The following WDFY4 variants were observed in gnomAD, a reference collection of about 807,000 sequenced individuals.
WDFY4 encodes WDFY family member 4, also known as WD repeat- and FYVE domain-containing protein 4.
Under a neutral mutation model 351.9 loss-of-function variants are expected in WDFY4, and 169 were observed. The observed-to-expected ratio is 0.48, with a 90% CI of 0.42 to 0.55. The LOEUF (loss-of-function observed/expected upper bound fraction) is 0.55, where lower values mean the gene tolerates loss of function less well. Ranked by LOEUF, WDFY4 falls within the 20% of genes least tolerant of loss-of-function variation. The pLI, the probability that WDFY4 is intolerant of heterozygous loss-of-function variation, is 0.00. For synonymous variants in WDFY4, 1,622 were observed against 1,574.6 expected (o/e 1.03, Z -0.71); for missense variants, 3,803 against 3,935.6 (o/e 0.97, Z 0.90).
At chr10:48,710,446 G>A (rs1467519001) in intron 2 of WDFY4, among the ~76,000 whole-genome samples, 1 of 152,150 alleles carries the variant, frequency 6.6e-6, no homozygotes, top group African/African-American at 2.4e-5. Context: ...TCATGCCAAA[G>A]ATGACAAGCA....
intron 28 of WDFY4, among the ~76,000 whole-genome samples, chr10:48,808,974 TA>T (rs2067349069): frequency 6.6e-6 from 1 of 152,246 alleles, no homozygotes; most frequent in Non-Finnish European, 1.5e-5. Context: ...TCATTACTTT[TA>T]ATGCCAAAAA....
In WDFY4 at chr10:48,789,940, T is replaced by C. The variant is rs965396149; in HGVS notation, c.4021T>C (p.Ser1341Pro). The C allele has an allele frequency of 2.9e-5, 45 of 1,552,422 alleles. No individual in the cohort carries two copies. Among genetic ancestry groups the C allele is most frequent in the Non-Finnish European group, 3.7e-5 (42 of 1,147,140 alleles). Reference sequence around the variant, plus strand: ...GCTGAGGAATTGTGCTGGCCACCTGTCAGGGTCTCTGCGGACCATTGGAGC... The same window carrying C: ...GCTGAGGAATTGTGCTGGCCACCTGCCAGGGTCTCTGCGGACCATTGGAGC... ...FLLRNCAGHL[S>P]GSLRTIGAVA... Residue 1341 changes from serine to proline, a missense_variant, in exon 22 of 62, where the codon TCA becomes CCA. Transcript: ENST00000325239.
intron 39 of WDFY4, among the ~76,000 whole-genome samples, chr10:48,858,043 C>T (rs1158793557): frequency 1.3e-5 from 2 of 152,206 alleles, no homozygotes; most frequent in Admixed American, 6.5e-5. Context: ...ATCCACCTGC[C>T]TCAGCCTCCC....
At chr10:48,745,886 A>T in intron 12 of WDFY4, 1 of 266,978 alleles carries the variant, frequency 3.7e-6, no homozygotes, top group Non-Finnish European at 7.2e-6. Flanking sequence ...CGGGCCCTGC[A>T]CTGTCGGCTG....
rs1554825351 is a variant in WDFY4, at chr10:48,980,298, A to ATTTTG, written c.9377-1067_9377-1066insTTGTT. Among the ~76,000 whole-genome samples the ATTTTG allele has an allele frequency of 4.1e-4, 63 of 151,890 alleles. 1 individual carries two copies. The South Asian group carries it at 6.8e-3, about 16-fold the overall frequency. On this transcript the variant is annotated intron_variant, in intron 60 of 61. Coordinates refer to ENST00000325239, the MANE Select transcript of WDFY4 (RefSeq NM_001394531.1). Reference sequence around the variant, plus strand: ...TAATAAAAAGGCATGTTGTTCTTACATTGCTCAAAACTGCTTTGTTGGAAA... The same window carrying ATTTTG: ...TAATAAAAAGGCATGTTGTTCTTACATTTTGTTGCTCAAAACTGCTTTGTTGGAAA...
At chr10:48,982,484 C>T (rs1404951548) in intron 61 of WDFY4, 25 bp from the exon 62 acceptor site, 3 of 1,487,586 alleles carry the variant, frequency 2.0e-6, no homozygotes, top group South Asian at 1.3e-5. Context: ...CTCTAACGTT[C>T]TTGTCTTTTC....
At chr10:48,885,980 T>C (rs1412860946) in intron 43 of WDFY4, among the ~76,000 whole-genome samples, 2 of 152,164 alleles carry the variant, frequency 1.3e-5, no homozygotes, top group Non-Finnish European at 2.9e-5. Context: ...CATATGCCAA[T>C]ACTATTAGAA....
rs139700142 is a variant in WDFY4 at position 48,862,983 on chromosome 10, A to T, written c.6664-4282A>T. 9.2e-5 allele frequency among the ~76,000 whole-genome samples: 14 copies of T among 152,334 alleles called. No homozygotes were observed. In the East Asian group the frequency reaches 2.7e-3, roughly 29 times the overall value. On this transcript the variant is annotated intron_variant, in intron 39 of 61. Transcript: ENST00000325239. Reference sequence around the variant, plus strand: ...CTTTTGAAATTAGCTTCTTTCACTTAGGATGTTGCTTTTAAGGCTCATGCA... The same window carrying T: ...CTTTTGAAATTAGCTTCTTTCACTTTGGATGTTGCTTTTAAGGCTCATGCA...
Position 48,873,648 on chromosome 10 carries a change from G to C in WDFY4, c.6899G>C (p.Arg2300Pro). 6.4e-7 allele frequency: 1 copy of C among 1,551,820 alleles called. No homozygotes were observed. Among genetic ancestry groups the C allele is most frequent in the Non-Finnish European group, 8.7e-7 (1 of 1,147,024 alleles). Reference protein sequence around the residue: ...WREGPARMRKRIKRLSPLEAL... With the variant: ...WREGPARMRKPIKRLSPLEAL... ...GAAGGACCAGCTCGAATGAGGAAACGCATCAAACGCTTGTCTCCTTTGGAG... is the reference window on the plus strand; with the variant it reads ...GAAGGACCAGCTCGAATGAGGAAACCCATCAAACGCTTGTCTCCTTTGGAG... The change falls in exon 41 of 62, where the codon CGC becomes CCC. Residue 2300 changes from arginine to proline, a missense_variant. By Grantham distance (103) the Arg-to-Pro change is moderately radical (BLOSUM62 -2). This residue lies in a region of WDFY4 where 3,054 missense variants were observed against 3,148.6 expected (regional missense o/e 0.97). Coordinates refer to ENST00000325239, the MANE Select transcript of WDFY4 (RefSeq NM_001394531.1).
At chr10:48,794,048 G>A (rs1027605462) in intron 23 of WDFY4, among the ~76,000 whole-genome samples, 1 of 152,178 alleles carries the variant, frequency 6.6e-6, no homozygotes, top group African/African-American at 2.4e-5. Context: ...CGGCTAGGAG[G>A]AGAGGATGGT....
At chr10:48,816,510 G>A (rs1486574524) in intron 31 of WDFY4, among the ~76,000 whole-genome samples, 1 of 152,114 alleles carries the variant, frequency 6.6e-6, no homozygotes, top group African/African-American at 2.4e-5. Flanking sequence ...CATGTGATCT[G>A]TATATTTTTC....
chr10:48,946,991 TACAC>T (rs57927796), intron 51 of WDFY4, 22 bp downstream of exon 51: 2,912 of 1,091,672 alleles, frequency 2.7e-3, no homozygotes, highest in Non-Finnish European at 2.8e-3. Context: ...CCACTCTCTG[TACAC>T]ACACACACAC....
At chr10:48,936,922 A>T (rs1395609959) in intron 47 of WDFY4, among the ~76,000 whole-genome samples, 1 of 136,236 alleles carries the variant, frequency 7.3e-6, no homozygotes, top group African/African-American at 2.5e-5. Flanking sequence ...TATAAACTTC[A>T]GGTTTTGTTT....
intron 43 of WDFY4, among the ~76,000 whole-genome samples, chr10:48,889,296 C>T (rs1268539484): frequency 3.3e-5 from 5 of 152,204 alleles, no homozygotes; most frequent in African/African-American, 9.6e-5. Flanking sequence ...ACAAAATGCT[C>T]AGTGAACCTT....
intron 31 of WDFY4, among the ~76,000 whole-genome samples, chr10:48,816,609 G>A (rs2067628499): frequency 6.6e-6 from 1 of 152,124 alleles, no homozygotes; most frequent in Admixed American, 6.5e-5. Context: ...TTTCTGTATG[G>A]AGCATAAGGA....
Position 48,875,088 on chromosome 10 carries a change from G to T in WDFY4, c.6949-1G>T. 6.8e-7 allele frequency: 1 copy of T among 1,480,052 alleles called. No individual in the cohort carries two copies. Among genetic ancestry groups the T allele is most frequent in the South Asian group, 1.4e-5 (1 of 69,006 alleles). The allele number at this position is 1,480,052 out of a possible 1,614,324, so 91.7% of individuals were successfully genotyped here. On this transcript the variant is annotated splice_acceptor_variant, in intron 41 of 61. Transcript: ENST00000325239. LOFTEE classifies it high-confidence loss of function. ...TTTTCTTTTCAATGTCCTTATTTCAGGAAAGCCAAGACAAAAATGATCATA... is the reference window on the plus strand; with the variant it reads ...TTTTCTTTTCAATGTCCTTATTTCATGAAAGCCAAGACAAAAATGATCATA...
At chr10:48,874,701 C>A (rs1406087199) in intron 41 of WDFY4, among the ~76,000 whole-genome samples, 2 of 152,174 alleles carry the variant, frequency 1.3e-5, no homozygotes, top group African/African-American at 4.8e-5. Flanking sequence ...GTGCTGGTGA[C>A]AAAGCCAAGG....
At chr10:48,792,976 A>G (rs1477054948) in intron 23 of WDFY4, among the ~76,000 whole-genome samples, 1 of 152,232 alleles carries the variant, frequency 6.6e-6, no homozygotes, top group Non-Finnish European at 1.5e-5. Context: ...GCCTGCTGTC[A>G]CATGTAGGTA....
At chr10:48,913,237 C>T (rs1838169197) in intron 47 of WDFY4, 2 of 727,912 alleles carry the variant, frequency 2.7e-6, no homozygotes, top group Admixed American at 2.3e-5. Flanking sequence ...TCAACACAAT[C>T]ACACGCCGAG....
Sources: allele counts gnomAD v4.1 joint callset (sites outside exome capture counted in the v4.1 genomes callset), GRCh38; gene constraint gnomAD v4.1.1; regional missense constraint gnomAD v4.1.1; transcripts MANE v1.5; gene names NCBI Gene and HGNC (gene_info 2026-07-23, HGNC 2026-07-21).